Variants in SERPIND1 observed in about 807,000 individuals in gnomAD.
SERPIND1 encodes heparin cofactor 2.
Under a neutral mutation model 35.0 loss-of-function variants are expected in SERPIND1, and 34 were observed. That is an observed-to-expected ratio of 0.97 (90% CI 0.74 to 1.29). SERPIND1 has a LOEUF of 1.29. Among genes scored for constraint, SERPIND1 ranks in the 50% most tolerant of loss-of-function variants. The probability of loss-of-function intolerance (pLI) is 0.00; values close to 1 mark genes in which losing one functional copy is unlikely to be tolerated. For missense variants in SERPIND1, 633 were observed against 637.7 expected, an observed-to-expected ratio of 0.99 and a Z score of 0.08; for synonymous variants, 236 against 241.1, an observed-to-expected ratio of 0.98 and a Z score of 0.19.
At chr22:20,774,411 T>A (rs1933078216) in intron 1 of SERPIND1, among the ~76,000 whole-genome samples, 1 of 152,352 alleles carries the variant, frequency 6.6e-6, no homozygotes, top group African/African-American at 2.4e-5. Flanking sequence ...ATAACTGTCC[T>A]GTGATTATGT....
At chr22:20,777,366 G>T (rs182471316) in intron 1 of SERPIND1, among the ~76,000 whole-genome samples, 1 of 151,964 alleles carries the variant, frequency 6.6e-6, no homozygotes, top group East Asian at 1.9e-4. Context: ...ACAGGCATGC[G>T]CCACCACGCC....
chr22:20,778,257 T>C lies in SERPIND1; in HGVS notation c.-16-1040T>C, dbSNP rs1045036140. Among the ~76,000 whole-genome samples the C allele has an allele frequency of 5.9e-5, 9 of 152,096 alleles. No homozygotes were observed. The East Asian group carries it at 7.7e-4, about 13-fold the overall frequency. ...GGCTTATGCCTGTAATCCCAGCACT[T>C]TGGGGGGCTGAGGTGGGTGGATCAC... is the stretch of plus-strand genomic sequence containing the variant. On this transcript the variant is annotated intron_variant, in intron 1 of 4. Transcript: ENST00000215727.
intron 3 of SERPIND1, among the ~76,000 whole-genome samples, chr22:20,784,572 G>A (rs774349326): frequency 6.6e-6 from 1 of 152,092 alleles, no homozygotes; most frequent in African/African-American, 2.4e-5. Context: ...TTACTTCCCC[G>A]GGTCACTTGA....
At chr22:20,785,400 G>A (rs1934140659) in intron 3 of SERPIND1, among the ~76,000 whole-genome samples, 1 of 152,126 alleles carries the variant, frequency 6.6e-6, no homozygotes, top group South Asian at 2.1e-4. Flanking sequence ...ATCTTACTTG[G>A]TGCAAGGTAT....
At chr22:20,777,883 T>C (rs890596469) in intron 1 of SERPIND1, among the ~76,000 whole-genome samples, 1 of 152,084 alleles carries the variant, frequency 6.6e-6, no homozygotes, top group Non-Finnish European at 1.5e-5. Flanking sequence ...GAGGAACAAA[T>C]AAAGACAGGA....
rs926920914 is a variant in SERPIND1 at position 20,782,867 on chromosome 22, G to A, written c.890-1105G>A. On this transcript the variant is annotated intron_variant, in intron 2 of 4. Transcript: ENST00000215727. ...GGGTGAGGCAGACTCAGGGAGAAGG[G>A]AATCGAGCTTCACTCACAGGCAGGC... Among the ~76,000 whole-genome samples, 25 of 152,126 alleles carry A rather than the reference G, an allele frequency of 1.6e-4. 1 individual carries two copies. Among genetic ancestry groups the A allele is most frequent in the Admixed American group, 5.2e-4 (8 of 15,280 alleles).
In SERPIND1 at chr22:20,779,770, T is replaced by C. The variant is rs1329510322; in HGVS notation, c.458T>C (p.Ile153Thr). Residue 153 changes from isoleucine to threonine, a missense_variant, in exon 2 of 5, where the codon ATA (isoleucine) becomes ACA (threonine). Transcript: ENST00000215727. ...DQVNTFDNIF[I>T]APVGISTAMG... ...GTCAACACTTTCGATAACATCTTCA[T>C]AGCACCCGTTGGCATTTCTACTGCG... 6 of 1,614,210 alleles carry C rather than the reference T, an allele frequency of 3.7e-6. No individual in the cohort carries two copies. In the South Asian group the frequency reaches 5.5e-5, roughly 15 times the overall value.
At chr22:20,776,318 C>T (rs891026611) in intron 1 of SERPIND1, among the ~76,000 whole-genome samples, 14 of 151,956 alleles carry the variant, frequency 9.2e-5, no homozygotes, top group African/African-American at 2.9e-4. Context: ...AGTGAGACCC[C>T]GCCGTCTCAA....
intron 2 of SERPIND1, among the ~76,000 whole-genome samples, chr22:20,780,881 T>C (rs886809231): frequency 3.3e-5 from 5 of 151,978 alleles, no homozygotes; most frequent in Admixed American, 2.6e-4. Flanking sequence ...ATCTGTTAAA[T>C]TGGAAGAAAT....
At chr22:20,785,066 T>TC (rs78652127) in intron 3 of SERPIND1, among the ~76,000 whole-genome samples, 7 of 146,510 alleles carry the variant, frequency 4.8e-5, no homozygotes, top group Admixed American at 6.8e-5. Flanking sequence ...AGGGACTGCA[T>TC]CTTTTTTTTT....
intron 1 of SERPIND1, among the ~76,000 whole-genome samples, chr22:20,774,431 T>C (rs1933080526): frequency 6.6e-6 from 1 of 152,202 alleles, no homozygotes; most frequent in Non-Finnish European, 1.5e-5. Flanking sequence ...TATGAGAATA[T>C]CCTTGCTCTT....
chr22:20,779,072 C>T (rs1040255837), intron 1 of SERPIND1: 18 of 1,021,684 alleles, frequency 1.8e-5, no homozygotes, highest in Middle Eastern at 3.3e-4. Context: ...GGATTTTCAT[C>T]AAGGGGCCCA....
intron 3 of SERPIND1, 48 bp downstream of exon 3, chr22:20,784,293 G>A: frequency 6.2e-7 from 1 of 1,613,000 alleles, no homozygotes. Flanking sequence ...GATGCTGGGG[G>A]TGTCTGGGAA....
At chr22:20,781,108 G>A (rs1569025776) in intron 2 of SERPIND1, among the ~76,000 whole-genome samples, 1 of 152,144 alleles carries the variant, frequency 6.6e-6, no homozygotes, top group Admixed American at 6.5e-5. Flanking sequence ...TATTTCCCCA[G>A]CAACTGTTCT....
In SERPIND1 at chr22:20,786,943, G is replaced by T. The variant is rs747205414; in HGVS notation, c.1377G>T (p.Gly459=). 1 of 1,614,150 alleles carries T rather than the reference G, an allele frequency of 6.2e-7. No homozygotes were observed. Among genetic ancestry groups the T allele is most frequent in the Non-Finnish European group, 8.5e-7 (1 of 1,180,026 alleles). The change falls in exon 5 of 5, where the codon GGG becomes GGT. Residue 459 remains glycine, a synonymous_variant. Transcript: ENST00000215727. The part of the protein sequence containing the change: ...GTQATTVTTV[G]FMPLSTQVRF... ...AAGCCACCACTGTGACCACGGTGGG[G>T]TTCATGCCGCTGTCCACCCAAGTCC... is the stretch of plus-strand genomic sequence containing the variant.
chr22:20,777,043 GT>G (rs362134), intron 1 of SERPIND1, among the ~76,000 whole-genome samples: 68,325 of 148,512 alleles, frequency 0.46, 16,052 homozygotes, highest in African/African-American at 0.57. Context: ...GTTTTTTTTT[GT>G]TTTTTTTTTG....
chr22:20,779,174 T>C (rs1033459098), intron 1 of SERPIND1, 123 bp from the exon 2 acceptor site: 1 of 1,560,732 alleles, frequency 6.4e-7, no homozygotes, highest in African/African-American at 1.4e-5. Context: ...CTAAAACAGT[T>C]AAGAACTAAT....
rs1056980356 is a variant in SERPIND1 at position 20,787,445 on chromosome 22, A to G, written c.*379A>G. ...TCTCCACCAGGCCCCTCATCTGAAT[A>G]CCAAGCACAGAAATGAGTGGTGTGA... is the stretch of plus-strand genomic sequence containing the variant. On this transcript the variant is annotated 3_prime_UTR_variant, in exon 5 of 5. Transcript: ENST00000215727. 2.9e-6 allele frequency: 1 copy of G among 348,378 alleles called. No individual in the cohort carries two copies. The highest frequency in any genetic ancestry group is 2.1e-5 in the African/African-American group (1 of 46,890). The allele number at this position is 348,378 out of a possible 1,614,324, so 21.6% of individuals were successfully genotyped here.
In SERPIND1 at chr22:20,781,925, C is replaced by T. The variant is rs184476130; in HGVS notation, c.889+1724C>T. On this transcript the variant is annotated intron_variant, in intron 2 of 4. Transcript: ENST00000215727. ...CACTCTGACAGGGCCGAGGGAAGAA[C>T]CATAAGCGATGGCAATGCAACAGAG... Among the ~76,000 whole-genome samples the T allele has an allele frequency of 2.5e-3, 375 of 152,296 alleles. 1 individual carries two copies. Among genetic ancestry groups the T allele is most frequent in the African/African-American group, 8.6e-3 (358 of 41,558 alleles).
Sources: gnomAD v4.1 joint callset for allele counts (sites outside exome capture counted in the v4.1 genomes callset) on GRCh38, gnomAD v4.1.1 for gene constraint, MANE v1.5 for transcripts, NCBI Gene and HGNC (gene_info 2026-07-23, HGNC 2026-07-21) for gene names.